The following PIK3C2G variants were observed in gnomAD, a reference collection of about 807,000 sequenced individuals.
PIK3C2G encodes phosphatidylinositol 3-kinase C2 domain-containing subunit gamma.
In PIK3C2G, 168 loss-of-function variants were observed where a neutral mutation model predicts 181.1. The observed-to-expected ratio is 0.93, with a 90% CI of 0.82 to 1.05. The LOEUF is 1.05. Among genes scored for constraint, PIK3C2G ranks in the 50% least tolerant of loss-of-function variants. The pLI, the probability that PIK3C2G is intolerant of heterozygous loss-of-function variation, is 0.00. For missense variants in PIK3C2G, 1,869 were observed against 1,732.8 expected (o/e 1.08, Z -1.40); for synonymous variants, 573 against 592.2 (o/e 0.97, Z 0.47).
intron 18 of PIK3C2G, among the ~76,000 whole-genome samples, chr12:18,478,340 AC>A (rs1330458395): frequency 6.6e-6 from 1 of 152,040 alleles, no homozygotes; most frequent in Non-Finnish European, 1.5e-5. Flanking sequence ...GTTATTTTGA[AC>A]CCCAGGCCCA....
At chr12:18,343,019 T>G (rs1051834076) in intron 9 of PIK3C2G, among the ~76,000 whole-genome samples, 1 of 152,082 alleles carries the variant, frequency 6.6e-6, no homozygotes, top group Non-Finnish European at 1.5e-5. Context: ...GAATTAGAAA[T>G]GCACTTTTAT....
At chr12:18,599,394 A>T (rs1252334411) in intron 30 of PIK3C2G, among the ~76,000 whole-genome samples, 1 of 151,740 alleles carries the variant, frequency 6.6e-6, no homozygotes, top group African/African-American at 2.4e-5. Context: ...AAACTATCGC[A>T]AGAGCAAAAA....
chr12:18,451,664 G>T (rs1947368017), intron 18 of PIK3C2G, among the ~76,000 whole-genome samples: 2 of 152,152 alleles, frequency 1.3e-5, no homozygotes, highest in African/African-American at 4.8e-5. Flanking sequence ...GTTTTCAAAG[G>T]AAATACTTCC....
At chr12:18,416,074 G>A (rs933792135) in intron 16 of PIK3C2G, among the ~76,000 whole-genome samples, 4 of 152,036 alleles carry the variant, frequency 2.6e-5, no homozygotes, top group African/African-American at 4.8e-5. Flanking sequence ...GTGAAACCCC[G>A]TCTCTACTGA....
chr12:18,351,644 C>A (rs986993384), intron 11 of PIK3C2G, among the ~76,000 whole-genome samples: 32 of 152,178 alleles, frequency 2.1e-4, no homozygotes, highest in Non-Finnish European at 3.8e-4. Context: ...GCCAGGACCC[C>A]TGGAGATAAC....
chr12:18,647,707 A>G (rs571973543), intron 32 of PIK3C2G, among the ~76,000 whole-genome samples, 169 bp from the exon 33 acceptor site: 5 of 152,272 alleles, frequency 3.3e-5, no homozygotes, highest in African/African-American at 1.2e-4. Flanking sequence ...GTTAGCAGAA[A>G]CTTCAGCTTT....
intron 15 of PIK3C2G, among the ~76,000 whole-genome samples, chr12:18,395,992 C>T (rs567332928): frequency 8.6e-5 from 13 of 151,260 alleles, no homozygotes; most frequent in East Asian, 5.8e-4. Context: ...GAAAAAAACA[C>T]GCCATAGAAA....
chr12:18,696,322 C>CTATATATCTATATA, the PIK3C2G span: 1 of 253,072 alleles, frequency 4.0e-6, no homozygotes, highest in African/African-American at 6.1e-5. Flanking sequence ...TAAAAAGCCA[C>CTATATATCTATATA]TATATATATA....
In PIK3C2G at chr12:18,321,007, T is replaced by C. The variant is rs199906143; in HGVS notation, c.1183T>C (p.Phe395Leu). ...GTTTTATCTGAATCAACTTCTAGAA[T>C]TTATGCATATTTGGAAAGTATCCAG... ...SQFYLNQLLE[F>L]MHIWKVSRQC... Residue 395 changes from phenylalanine to leucine, a missense_variant, in exon 7 of 33, where the codon TTT (phenylalanine) becomes CTT (leucine). Phe to Leu is a conservative substitution (Grantham distance 22). Coordinates refer to ENST00000538779, the MANE Select transcript of PIK3C2G (RefSeq NM_001288772.2). 5.7e-4 allele frequency: 884 copies of C among 1,560,106 alleles called. No individual in the cohort carries two copies. Among genetic ancestry groups the C allele is most frequent in the Non-Finnish European group, 7.2e-4 (818 of 1,135,712 alleles).
intron 31 of PIK3C2G, among the ~76,000 whole-genome samples, chr12:18,638,773 T>C (rs1949709121): frequency 6.6e-6 from 1 of 152,044 alleles, no homozygotes. Context: ...GCTGGCAAAT[T>C]TGGGGACCCA....
chr12:18,689,632 G>A, the PIK3C2G span, among the ~76,000 whole-genome samples: 319 of 152,210 alleles, frequency 2.1e-3, 3 homozygotes, highest in South Asian at 0.012. Flanking sequence ...TGCAGAGGAA[G>A]GGATATCAAA....
the PIK3C2G span, among the ~76,000 whole-genome samples, chr12:18,708,775 A>G: frequency 5.3e-5 from 8 of 152,238 alleles, no homozygotes; most frequent in South Asian, 4.2e-4. Context: ...AATGTTGAGT[A>G]CCTTTTCATA....
At chr12:18,451,186 T>C (rs1947330747) in intron 18 of PIK3C2G, among the ~76,000 whole-genome samples, 1 of 152,224 alleles carries the variant, frequency 6.6e-6, no homozygotes, top group African/African-American at 2.4e-5. Context: ...ATTTTCACGA[T>C]ATTGATTTTT....
intron 12 of PIK3C2G, among the ~76,000 whole-genome samples, chr12:18,365,835 A>T (rs547118499): frequency 6.6e-6 from 1 of 151,894 alleles, no homozygotes; most frequent in African/African-American, 2.4e-5. Flanking sequence ...ATTTCAAACC[A>T]CTCCACCTAT....
intron 8 of PIK3C2G, among the ~76,000 whole-genome samples, chr12:18,332,954 C>T (rs948212808): frequency 5.3e-5 from 8 of 152,162 alleles, no homozygotes; most frequent in Admixed American, 1.3e-4. Context: ...TTGCAGGAGA[C>T]TGTAAACTCC....
chr12:18,259,829 A>C (rs1282381183), upstream of PIK3C2G, among the ~76,000 whole-genome samples: 1 of 152,112 alleles, frequency 6.6e-6, no homozygotes, highest in African/African-American at 2.4e-5. Context: ...TGCCTAAAAA[A>C]CGGAGTAGAC....
intron 14 of PIK3C2G, among the ~76,000 whole-genome samples, chr12:18,385,756 C>T (rs537249559): frequency 1.1e-4 from 16 of 151,966 alleles, no homozygotes; most frequent in Non-Finnish European, 1.3e-4. Flanking sequence ...TTAGTAGATA[C>T]GGTTTCACCA....
intron 18 of PIK3C2G, among the ~76,000 whole-genome samples, chr12:18,478,347 G>A (rs1024350985): frequency 6.6e-6 from 1 of 152,088 alleles, no homozygotes; most frequent in African/African-American, 2.4e-5. Context: ...TGAACCCCAG[G>A]CCCAGTTAAA....
intron 12 of PIK3C2G, among the ~76,000 whole-genome samples, chr12:18,365,700 GTTATATACCT>G (rs1347739634): frequency 6.6e-6 from 1 of 152,004 alleles, no homozygotes; most frequent in African/African-American, 2.4e-5. Flanking sequence ...TTCTCTTACA[GTTATATACCT>G]TTAAATACAA....
Sources: gnomAD v4.1 joint callset for allele counts (sites outside exome capture counted in the v4.1 genomes callset) on GRCh38, gnomAD v4.1.1 for gene constraint, MANE v1.5 for transcripts, NCBI Gene and HGNC (gene_info 2026-07-23, HGNC 2026-07-21) for gene names.